Variants in AGTPBP1 observed in about 807,000 individuals in gnomAD.
AGTPBP1 encodes cytosolic carboxypeptidase 1.
AGTPBP1 carries 70 observed loss-of-function variants against 143.9 expected under a neutral mutation model. The ratio of observed to expected loss-of-function variants is 0.49; its 90% CI spans 0.40 to 0.59. The LOEUF (loss-of-function observed/expected upper bound fraction) is 0.59. Among genes scored for constraint, AGTPBP1 ranks in the 20% least tolerant of loss-of-function variants. The pLI, the probability that AGTPBP1 is intolerant of heterozygous loss-of-function variation, is 0.00. For synonymous variants in AGTPBP1, 463 were observed against 500.2 expected (o/e 0.93, Z 0.99); for missense variants, 1,229 against 1,464.5 (o/e 0.84, Z 2.62).
At chr9:85,663,525 C>T (rs1191729110) in intron 8 of AGTPBP1, among the ~76,000 whole-genome samples, 1 of 151,658 alleles carries the variant, frequency 6.6e-6, no homozygotes, top group Non-Finnish European at 1.5e-5. Flanking sequence ...ACAAAAATAT[C>T]CAGCACTCAA....
intron 23 of AGTPBP1, among the ~76,000 whole-genome samples, chr9:85,580,344 T>C (rs1346154427): frequency 6.6e-6 from 1 of 152,102 alleles, no homozygotes; most frequent in Non-Finnish European, 1.5e-5. Flanking sequence ...TAATTTCTCA[T>C]AAATTGTTTT....
At chr9:85,791,451 T>A in the AGTPBP1 span, 1 of 152,052 alleles carries the variant, frequency 6.6e-6, no homozygotes, top group Non-Finnish European at 1.5e-5. Context: ...CACACCACAC[T>A]TACCAACAAC....
At chr9:85,786,860 T>C in the AGTPBP1 span, among the ~76,000 whole-genome samples, 1 of 152,230 alleles carries the variant, frequency 6.6e-6, no homozygotes, top group Non-Finnish European at 1.5e-5. Context: ...CCAGGCATAT[T>C]TGAAGAATAA....
At chr9:85,770,718 C>G in the AGTPBP1 span, among the ~76,000 whole-genome samples, 991 of 152,156 alleles carry the variant, frequency 6.5e-3, 15 homozygotes, top group African/African-American at 0.023. Flanking sequence ...GTTGGAGGGC[C>G]TTTCAAAAGA....
At chr9:85,755,976 C>T in the AGTPBP1 span, 1 of 911,878 alleles carries the variant, frequency 1.1e-6, no homozygotes, top group Non-Finnish European at 1.6e-6. Flanking sequence ...TTTAAATGTT[C>T]ATTTAAGAGA....
rs985773394 is a variant in AGTPBP1, at chr9:85,623,627, G to A, written c.2016-2342C>T. Among the ~76,000 whole-genome samples the A allele has an allele frequency of 2.4e-4, 37 of 151,926 alleles. 1 individual carries two copies. In the South Asian group the frequency reaches 3.3e-3, roughly 14 times the overall value. On this transcript the variant is annotated intron_variant, in intron 14 of 25. Coordinates refer to ENST00000357081, the MANE Select transcript of AGTPBP1 (RefSeq NM_001330701.2). ...CAAAAATTAGCTGGGTGTGGTGGCG[G>A]GTGCCTGTAATCCCAGCTACTCAAG...
chr9:85,641,993 C>T lies in AGTPBP1; in HGVS notation c.1302+834G>A, dbSNP rs535233113. Among the ~76,000 whole-genome samples, 3 of 152,264 alleles carry T rather than the reference C, an allele frequency of 2.0e-5. No individual in the cohort carries two copies. In the South Asian group the frequency reaches 6.2e-4, roughly 32 times the overall value. The stretch of plus-strand genomic sequence containing the variant: ...GGCTTACAGGCATGAGCCACCACAC[C>T]CGGCAACAAATATTTCTTTTTAATT... On this transcript the variant is annotated intron_variant, in intron 13 of 25. Transcript: ENST00000357081.
Position 85,611,096 on chromosome 9 carries a change from C to G in AGTPBP1, c.2335+7887G>C, listed in dbSNP as rs575035912. ...TAAACTTAAGGCAGATGGAGCAAGACTGAAAAATCCAATGCAGAATATGCC... is the reference window on the plus strand; with the variant it reads ...TAAACTTAAGGCAGATGGAGCAAGAGTGAAAAATCCAATGCAGAATATGCC... On this transcript the variant is annotated intron_variant, in intron 17 of 25. Coordinates refer to ENST00000357081, the MANE Select transcript of AGTPBP1 (RefSeq NM_001330701.2). 3.1e-4 allele frequency among the ~76,000 whole-genome samples: 46 copies of G among 149,576 alleles called. No individual in the cohort carries two copies. The South Asian group carries it at 9.5e-3, about 31-fold the overall frequency.
At chr9:85,733,829 T>C (rs1242732323) in intron 1 of AGTPBP1, among the ~76,000 whole-genome samples, 1 of 152,062 alleles carries the variant, frequency 6.6e-6, no homozygotes, top group Non-Finnish European at 1.5e-5. Flanking sequence ...TGAACAACAG[T>C]ACACCAACAA....
the AGTPBP1 span, among the ~76,000 whole-genome samples, chr9:85,803,643 T>TATCTCACAGCAATATCAC: frequency 1.3e-5 from 2 of 152,194 alleles, no homozygotes; most frequent in African/African-American, 4.8e-5. Context: ...TCTGACTTTG[T>TATCTCACAGCAATATCAC]TTTCTTCTTT....
intron 6 of AGTPBP1, among the ~76,000 whole-genome samples, chr9:85,675,534 A>C (rs927617052): frequency 6.6e-6 from 1 of 152,206 alleles, no homozygotes; most frequent in African/African-American, 2.4e-5. Flanking sequence ...GTTTTTCAAA[A>C]CATTCTCATC....
intron 25 of AGTPBP1, among the ~76,000 whole-genome samples, chr9:85,574,155 T>TGA (rs1314573976): frequency 6.6e-6 from 1 of 152,166 alleles, no homozygotes; most frequent in Non-Finnish European, 1.5e-5. Context: ...GGGATCCTGT[T>TGA]GATCTATGAC....
chr9:85,677,299 A>G (rs1219998469), intron 6 of AGTPBP1, 137 bp downstream of exon 6: 2 of 779,736 alleles, frequency 2.6e-6, no homozygotes, highest in African/African-American at 3.6e-5. Context: ...GTACCCCCAT[A>G]AACATGTACA....
intron 3 of AGTPBP1, among the ~76,000 whole-genome samples, chr9:85,689,925 A>AAAT (rs58719163): frequency 7.9e-4 from 57 of 72,512 alleles, no homozygotes; most frequent in African/African-American, 1.2e-3. Flanking sequence ...AAAAAAAAAA[A>AAAT]ATATATATAT....
chr9:85,707,199 T>G (rs1365001436), intron 2 of AGTPBP1, among the ~76,000 whole-genome samples: 1 of 152,068 alleles, frequency 6.6e-6, no homozygotes, highest in Non-Finnish European at 1.5e-5. Flanking sequence ...TCTAACTGAA[T>G]GAAAACACAA....
chr9:85,793,204 A>T, the AGTPBP1 span, among the ~76,000 whole-genome samples: 1 of 152,140 alleles, frequency 6.6e-6, no homozygotes, highest in Non-Finnish European at 1.5e-5. Flanking sequence ...TTTTAGTAAC[A>T]GTTACGTTTG....
rs551220829 is a variant in AGTPBP1, at chr9:85,721,010, A to T, written c.-33-8444T>A. Among the ~76,000 whole-genome samples the T allele has an allele frequency of 2.9e-3, 438 of 152,222 alleles. 1 individual carries two copies. The highest frequency in any genetic ancestry group is 4.8e-3 in the Non-Finnish European group (324 of 68,020). ...TTTCTTAATCCTGAGTTCTAGTTTG[A>T]TTGCACTGTGGTCTGAGAGATAGTT... On this transcript the variant is annotated intron_variant, in intron 1 of 25. Transcript: ENST00000357081.
intron 8 of AGTPBP1, among the ~76,000 whole-genome samples, chr9:85,663,613 T>TG (rs1376074554): frequency 1.4e-5 from 2 of 143,932 alleles, no homozygotes; most frequent in African/African-American, 5.3e-5. Context: ...CCCATAATGA[T>TG]GGGGGAAAAA....
chr9:85,714,883 G>A (rs956879711), intron 1 of AGTPBP1, among the ~76,000 whole-genome samples: 3 of 152,084 alleles, frequency 2.0e-5, no homozygotes, highest in Admixed American at 1.3e-4. Context: ...GTGTATATAT[G>A]ATCAGAATAT....
Sources: gnomAD v4.1 joint callset for allele counts (sites outside exome capture counted in the v4.1 genomes callset) on GRCh38, gnomAD v4.1.1 for gene constraint, MANE v1.5 for transcripts, NCBI Gene and HGNC (gene_info 2026-07-23, HGNC 2026-07-21) for gene names.